Variants in PRKN observed in about 807,000 individuals in gnomAD.
PRKN encodes E3 ubiquitin-protein ligase parkin.
In PRKN, 56 loss-of-function variants were observed where a neutral mutation model predicts 59.5. That is an observed-to-expected ratio of 0.94 (90% CI 0.76 to 1.18). The LOEUF is 1.18. Ranked by LOEUF, PRKN falls within the 50% of genes most tolerant of loss-of-function variation. The pLI, the probability that PRKN is intolerant of heterozygous loss-of-function variation, is 0.00. For missense variants in PRKN, 657 were observed against 596.4 expected, an observed-to-expected ratio of 1.10 and a Z score of -1.06; for synonymous variants, 250 against 222.1, an observed-to-expected ratio of 1.13 and a Z score of -1.12.
chr6:162,142,670 T>C (rs576568387), intron 4 of PRKN, among the ~76,000 whole-genome samples: 2 of 152,220 alleles, frequency 1.3e-5, no homozygotes, highest in South Asian at 4.1e-4. Flanking sequence ...GTGACCAAAA[T>C]AGAGTAAACA....
At chr6:162,575,934 T>C (rs867040978) in intron 1 of PRKN, among the ~76,000 whole-genome samples, 15 of 152,182 alleles carry the variant, frequency 9.9e-5, no homozygotes, top group African/African-American at 2.7e-4. Flanking sequence ...TCATTCTCCA[T>C]TCAGTTTTGC....
chr6:161,484,530 T>C lies in PRKN; in HGVS notation c.1083+64324A>G, dbSNP rs968075975. On this transcript the variant is annotated intron_variant, in intron 9 of 11. Transcript: ENST00000366898. The surrounding 1 kb of genome is among the most constrained non-coding windows in gnomAD (Gnocchi z 4.9). ...AAATAGGACATGGGATTCACTCTTT[T>C]TAAAGATGAGACAGTTGACACTTGG... 7.2e-5 allele frequency among the ~76,000 whole-genome samples: 11 copies of C among 152,296 alleles called. No individual in the cohort carries two copies. In the South Asian group the frequency reaches 1.9e-3, roughly 26 times the overall value.
At chr6:162,193,378 G>A (rs542260632) in intron 4 of PRKN, among the ~76,000 whole-genome samples, 69 of 152,228 alleles carry the variant, frequency 4.5e-4, no homozygotes, top group African/African-American at 1.3e-3. Flanking sequence ...CTCCCTCTTC[G>A]CCAAAGCTGA....
intron 5 of PRKN, among the ~76,000 whole-genome samples, chr6:162,045,342 A>G (rs1784211571): frequency 6.6e-6 from 1 of 152,234 alleles, no homozygotes; most frequent in East Asian, 1.9e-4. Context: ...ATACTTGCGT[A>G]AGATGATCAC....
intron 9 of PRKN, among the ~76,000 whole-genome samples, chr6:161,542,895 C>T (rs1260146427): frequency 2.0e-5 from 3 of 151,862 alleles, no homozygotes; most frequent in Admixed American, 6.6e-5. Flanking sequence ...AATCTCTAGT[C>T]TTAAAAAAAC....
At chr6:162,111,446 C>A in intron 4 of PRKN, among the ~76,000 whole-genome samples, 1 of 150,570 alleles carries the variant, frequency 6.6e-6, no homozygotes, top group East Asian at 2.0e-4. Context: ...GCCTGGGCAA[C>A]AGAGTGAGAC....
intron 2 of PRKN, among the ~76,000 whole-genome samples, chr6:162,318,084 T>C (rs1173952138): frequency 6.6e-6 from 1 of 151,896 alleles, no homozygotes; most frequent in Non-Finnish European, 1.5e-5. Flanking sequence ...TTCCTACCCC[T>C]CTCCAGGCCC....
chr6:162,249,553 T>C (rs989458566), intron 3 of PRKN, among the ~76,000 whole-genome samples: 24 of 152,136 alleles, frequency 1.6e-4, no homozygotes, highest in African/African-American at 5.5e-4. Context: ...AATTTATATA[T>C]ACAGTGCAGG....
At chr6:162,447,474 T>C (rs1410165350) in intron 1 of PRKN, among the ~76,000 whole-genome samples, 1 of 152,184 alleles carries the variant, frequency 6.6e-6, no homozygotes, top group East Asian at 1.9e-4. Context: ...CAGTAAACAT[T>C]ATCAATCATG....
At chr6:162,325,288 G>T (rs1321846452) in intron 2 of PRKN, among the ~76,000 whole-genome samples, 1 of 152,136 alleles carries the variant, frequency 6.6e-6, no homozygotes, top group Admixed American at 6.6e-5. Flanking sequence ...ATTTAGGGTT[G>T]CCAAATGCTT....
chr6:161,641,511 C>T (rs1286710066), intron 7 of PRKN, among the ~76,000 whole-genome samples: 1 of 152,184 alleles, frequency 6.6e-6, no homozygotes, highest in East Asian at 1.9e-4. Context: ...TTCTTACCTA[C>T]CAAATTATCC....
chr6:161,661,865 A>T (rs1351773606), intron 7 of PRKN, among the ~76,000 whole-genome samples: 1 of 152,134 alleles, frequency 6.6e-6, no homozygotes, highest in Non-Finnish European at 1.5e-5. Context: ...TCTACTAAAA[A>T]TACAAAAATT....
chr6:162,054,524 A>G (rs1329396060), intron 4 of PRKN, among the ~76,000 whole-genome samples: 3 of 152,088 alleles, frequency 2.0e-5, no homozygotes, highest in Non-Finnish European at 4.4e-5. Flanking sequence ...CCTTTGCTTC[A>G]TAATAATTAT....
chr6:161,644,968 T>A (rs533514073), intron 7 of PRKN, among the ~76,000 whole-genome samples: 1 of 152,328 alleles, frequency 6.6e-6, no homozygotes, highest in South Asian at 2.1e-4. Context: ...CTAGAATCTG[T>A]CCTTGCCAAC....
At chr6:162,678,745 T>TA (rs1779652802) in intron 1 of PRKN, among the ~76,000 whole-genome samples, 1 of 152,124 alleles carries the variant, frequency 6.6e-6, no homozygotes, top group African/African-American at 2.4e-5. Flanking sequence ...AGTCCTGACT[T>TA]GTCTTTTCAT....
rs73026875 is a variant in PRKN at position 162,333,655 on chromosome 6, C to T, written c.172-70890G>A. Among the ~76,000 whole-genome samples the T allele has an allele frequency of 5.7e-3, 873 of 152,240 alleles. 7 individuals carry two copies. Among genetic ancestry groups the T allele is most frequent in the South Asian group, 0.022 (105 of 4,820 alleles). On this transcript the variant is annotated intron_variant, in intron 2 of 11. Coordinates refer to ENST00000366898, the MANE Select transcript of PRKN (RefSeq NM_004562.3). ...GTCTCTGTCTTTCTCCTCAGGTGTG[C>T]CTCCCTATAGCCTGAGACGCAACTA...
intron 4 of PRKN, among the ~76,000 whole-genome samples, chr6:162,178,600 T>C (rs1783644696): frequency 6.6e-6 from 1 of 152,156 alleles, no homozygotes; most frequent in South Asian, 2.1e-4. Flanking sequence ...ATTTTTTTGA[T>C]CAGTAGGATA....
In PRKN at chr6:161,592,409, T is replaced by C. The variant is rs1781756493; in HGVS notation, c.872-22993A>G. On this transcript the variant is annotated intron_variant, in intron 7 of 11. Transcript: ENST00000366898. The surrounding 1 kb of genome is among the most constrained non-coding windows in gnomAD (Gnocchi z 4.8). ...TCTCTTTAATATACTCTTCTGTTTA[T>C]ATAATGTGGGGCTAGTAGACGAAAG... Among the ~76,000 whole-genome samples, 1 of 152,224 alleles carries C rather than the reference T, an allele frequency of 6.6e-6. No individual in the cohort carries two copies. Among genetic ancestry groups the C allele is most frequent in the African/African-American group, 2.4e-5 (1 of 41,454 alleles).
At chr6:162,082,245 G>A (rs969422057) in intron 4 of PRKN, among the ~76,000 whole-genome samples, 1 of 152,058 alleles carries the variant, frequency 6.6e-6, no homozygotes, top group African/African-American at 2.4e-5. Flanking sequence ...CCCTGCACAA[G>A]CTCTCTTCTC....
Sources: gnomAD v4.1 joint callset for allele counts (sites outside exome capture counted in the v4.1 genomes callset) on GRCh38, gnomAD v4.1.1 for gene constraint, Gnocchi (gnomAD v3.1) non-coding constraint, MANE v1.5 for transcripts, NCBI Gene and HGNC (gene_info 2026-07-23, HGNC 2026-07-21) for gene names.